The following MICAL2 variants were observed in gnomAD, a reference collection of about 807,000 sequenced individuals.
MICAL2 encodes microtubule associated monooxygenase, calponin and LIM domain containing 2, also known as [F-actin]-monooxygenase MICAL2.
In MICAL2, 77 loss-of-function variants were observed where a neutral mutation model predicts 127.3. The observed-to-expected ratio is 0.60, with a 90% CI of 0.50 to 0.73. The LOEUF is 0.73. Among genes scored for constraint, MICAL2 ranks in the 30% least tolerant of loss-of-function variants. The probability of loss-of-function intolerance (pLI) is 0.00; values close to 1 mark genes in which losing one functional copy is unlikely to be tolerated. For missense variants in MICAL2, 1,351 were observed against 1,434.4 expected (o/e 0.94, Z 0.94); for synonymous variants, 570 against 551.1 (o/e 1.03, Z -0.48).
chr11:12,324,698 C>A (rs2134848586), intron 31 of MICAL2, among the ~76,000 whole-genome samples: 1 of 152,330 alleles, frequency 6.6e-6, no homozygotes, highest in South Asian at 2.1e-4. Flanking sequence ...AGAATGACCA[C>A]TCATGTTAAT....
chr11:12,360,193 C>T (rs1939187602), downstream of MICAL2, among the ~76,000 whole-genome samples: 1 of 20,470 alleles, frequency 4.9e-5, no homozygotes. Flanking sequence ...CACCTACCTA[C>T]CTGCCTACCT....
chr11:12,157,914 T>C (rs1854366758), intron 2 of MICAL2, among the ~76,000 whole-genome samples: 1 of 152,194 alleles, frequency 6.6e-6, no homozygotes, highest in South Asian at 2.1e-4. Flanking sequence ...GGTTCCCTAG[T>C]TATACATGGG....
chr11:12,326,516 A>G (rs1864354508), intron 31 of MICAL2, among the ~76,000 whole-genome samples: 1 of 152,222 alleles, frequency 6.6e-6, no homozygotes, highest in South Asian at 2.1e-4. Context: ...TCATCCCCTA[A>G]CAAGTTAAAC....
rs1590667274 is a variant in MICAL2 at position 12,255,756 on chromosome 11, G to A, written c.2955+6G>A. 6.2e-7 allele frequency: 1 copy of A among 1,608,854 alleles called. No individual in the cohort carries two copies. Among genetic ancestry groups the A allele is most frequent in the Non-Finnish European group, 8.5e-7 (1 of 1,176,680 alleles). On this transcript the variant is annotated splice_donor_region_variant and intron_variant, in intron 23 of 27. Coordinates refer to ENST00000683283, the MANE Select transcript of MICAL2 (RefSeq NM_001282663.2). The stretch of plus-strand genomic sequence containing the variant: ...AGGCCACCTCTCCAGACCTGGTAAG[G>A]ACATGCACCCCCAGCCTTCACCCAC...
chr11:12,144,416 G>A (rs1426861990), intron 2 of MICAL2, among the ~76,000 whole-genome samples: 1 of 152,168 alleles, frequency 6.6e-6, no homozygotes, highest in Non-Finnish European at 1.5e-5. Flanking sequence ...GGATGTTGGA[G>A]TTTGGGGCTG....
chr11:12,228,437 C>A (rs1857769713), intron 15 of MICAL2, among the ~76,000 whole-genome samples: 1 of 152,204 alleles, frequency 6.6e-6, no homozygotes, highest in African/African-American at 2.4e-5. Flanking sequence ...TTCCTTCACA[C>A]TAATTAATCA....
intron 29 of MICAL2, chr11:12,308,248 A>AATATGGCT (rs1864135239): frequency 6.6e-6 from 1 of 152,146 alleles, no homozygotes; most frequent in South Asian, 2.1e-4. Context: ...CTTAAAAATT[A>AATATGGCT]ATATGGCTGT....
At chr11:12,329,877 A>AG (rs544084387) in intron 32 of MICAL2, among the ~76,000 whole-genome samples, 2,155 of 150,786 alleles carry the variant, frequency 0.014, 26 homozygotes, top group South Asian at 0.025. Context: ...AAAAAAAAAA[A>AG]AAAAAAGAAA....
intron 32 of MICAL2, among the ~76,000 whole-genome samples, chr11:12,336,833 T>C (rs1393719077): frequency 1.3e-5 from 2 of 152,220 alleles, no homozygotes; most frequent in East Asian, 3.9e-4. Context: ...AGCTTTTTGC[T>C]GTGCTGCTGG....
upstream of MICAL2, among the ~76,000 whole-genome samples, chr11:12,274,860 C>G (rs1464613938): frequency 2.0e-5 from 3 of 152,018 alleles, no homozygotes; most frequent in Non-Finnish European, 2.9e-5. Flanking sequence ...GGCATGATCT[C>G]ACTCAGGTTT....
chr11:12,260,400 A>G (rs1862944094), intron 26 of MICAL2: 2 of 1,258,452 alleles, frequency 1.6e-6, no homozygotes, highest in African/African-American at 1.5e-5. Context: ...TAGCTTTGTG[A>G]GCCATACTTC....
intron 30 of MICAL2, chr11:12,323,841 A>G (rs1426351437): frequency 2.0e-6 from 2 of 986,502 alleles, no homozygotes; most frequent in African/African-American, 3.3e-5. Flanking sequence ...AGAGAGTTCT[A>G]CCAGATGTCG....
chr11:12,242,850 C>G, intron 20 of MICAL2, 78 bp downstream of exon 20: 1 of 1,006,746 alleles, frequency 9.9e-7, no homozygotes, highest in South Asian at 1.6e-5. Context: ...AGGCTCTGAG[C>G]TCAATTTTCT....
chr11:12,293,825 C>T (rs971025997), downstream of MICAL2: 2 of 1,605,674 alleles, frequency 1.2e-6, no homozygotes, highest in African/African-American at 1.3e-5. Flanking sequence ...CAGAGACCCA[C>T]ACCCCATCTG....
At chr11:12,272,835 T>TG (rs112032579), upstream of MICAL2, among the ~76,000 whole-genome samples, 10,713 of 152,176 alleles carry the variant, frequency 0.07, 1,200 homozygotes, top group African/African-American at 0.24. Flanking sequence ...GTTCTTTTCA[T>TG]GTAACCTAGC....
chr11:12,329,375 A>G (rs193163542), intron 32 of MICAL2, among the ~76,000 whole-genome samples: 7 of 152,274 alleles, frequency 4.6e-5, no homozygotes, highest in African/African-American at 1.7e-4. Flanking sequence ...GTCTTTGACA[A>G]TCTGCTGATC....
Position 12,222,662 on chromosome 11 carries a change from C to T in MICAL2, c.1368C>T (p.Ile456=), listed in dbSNP as rs1157974461. Residue 456 remains isoleucine, a synonymous_variant, in exon 11 of 28, where the codon ATC becomes ATT. Coordinates refer to ENST00000683283, the MANE Select transcript of MICAL2 (RefSeq NM_001282663.2). The stretch of plus-strand genomic sequence containing the variant: ...TACCTCAGACAACCCCGGAGAACAT[C>T]AACAAGAACTTTGAGCAGTACACGT... ...RLLPQTTPEN[I]NKNFEQYTLD... is the part of the protein sequence containing the mutation. 1.9e-6 allele frequency: 3 copies of T among 1,614,246 alleles called. No homozygotes were observed. Among genetic ancestry groups the T allele is most frequent in the South Asian group, 2.2e-5 (2 of 91,084 alleles).
chr11:12,224,218 TC>T (rs1309200218), intron 12 of MICAL2, among the ~76,000 whole-genome samples: 1 of 152,186 alleles, frequency 6.6e-6, no homozygotes, highest in Non-Finnish European at 1.5e-5. Flanking sequence ...TCTGATAAGT[TC>T]CTAGATGCTC....
intron 29 of MICAL2, among the ~76,000 whole-genome samples, chr11:12,317,811 A>T (rs1864248022): frequency 6.6e-6 from 1 of 151,304 alleles, no homozygotes; most frequent in South Asian, 2.1e-4. Flanking sequence ...AAAAAGTACT[A>T]GAATGGTTGG....
Sources: gnomAD v4.1 joint callset for allele counts (sites outside exome capture counted in the v4.1 genomes callset) on GRCh38, gnomAD v4.1.1 for gene constraint, MANE v1.5 for transcripts, NCBI Gene and HGNC (gene_info 2026-07-23, HGNC 2026-07-21) for gene names.